Variants in CSMD3 observed in about 807,000 individuals in gnomAD.
CSMD3 encodes CUB and sushi domain-containing protein 3.
In CSMD3, 177 loss-of-function variants were observed where a neutral mutation model predicts 435.2. That is an observed-to-expected ratio of 0.41 (90% confidence interval 0.36 to 0.46). The LOEUF is 0.46. Among genes scored for constraint, CSMD3 ranks in the 20% least tolerant of loss-of-function variants. The probability of loss-of-function intolerance (pLI) is 0.34; values close to 1 mark genes in which losing one functional copy is unlikely to be tolerated. For synonymous variants in CSMD3, 1,656 were observed against 1,520.5 expected (o/e 1.09, Z -2.07); for missense variants, 4,265 against 4,504.6 (o/e 0.95, Z 1.52).
Position 112,885,337 on chromosome 8 carries a change from G to A in CSMD3, c.1634-26071C>T, listed in dbSNP as rs148741298. Among the ~76,000 whole-genome samples the A allele has an allele frequency of 2.4e-3, 351 of 145,930 alleles. 1 individual carries two copies. The highest frequency in any genetic ancestry group is 8.6e-3 in the African/African-American group (335 of 39,138). On this transcript the variant is annotated intron_variant, in intron 10 of 70. Transcript: ENST00000297405. The stretch of plus-strand genomic sequence containing the variant: ...ATTGAGCTGCAATAGTCATAGAGTT[G>A]GCTAAATATATGTACACAAATAGCC...
chr8:112,811,626 T>C (rs1162126627), intron 12 of CSMD3, among the ~76,000 whole-genome samples: 1 of 152,192 alleles, frequency 6.6e-6, no homozygotes, highest in African/African-American at 2.4e-5. Context: ...GTGTAATGGA[T>C]TATATCTGTC....
chr8:112,931,613 C>A (rs2130709982), intron 9 of CSMD3, among the ~76,000 whole-genome samples: 1 of 151,518 alleles, frequency 6.6e-6, no homozygotes, highest in African/African-American at 2.4e-5. Context: ...TACAGTAAAC[C>A]AGAAAGCTTT....
In CSMD3 at chr8:112,291,549, G is replaced by A. The variant is rs745369729; in HGVS notation, c.8935C>T (p.Pro2979Ser). 7 of 1,611,104 alleles carry A rather than the reference G, an allele frequency of 4.3e-6. No homozygotes were observed. Among genetic ancestry groups the A allele is most frequent in the Admixed American group, 3.3e-5 (2 of 59,752 alleles). ...LFGSSVLICQ[P>S]NGQWDKPLPE... ...AAAGGTTTGTCCCATTGTCCATTTGGTTGACATATCAAAACTGAAGATCCA... is the reference window on the plus strand; with the variant it reads ...AAAGGTTTGTCCCATTGTCCATTTGATTGACATATCAAAACTGAAGATCCA... The change falls in exon 56 of 71, where the codon CCA becomes TCA. Residue 2979 changes from proline to serine, a missense_variant. Coordinates refer to ENST00000297405, the MANE Select transcript of CSMD3 (RefSeq NM_198123.2).
intron 12 of CSMD3, among the ~76,000 whole-genome samples, chr8:112,801,050 A>G (rs13275398): frequency 0.21 from 31,571 of 151,944 alleles, 4,053 homozygotes; most frequent in Non-Finnish European, 0.3. Context: ...AATAGGAAAG[A>G]GGAAAAAATG....
chr8:113,335,310 T>C (rs2094063806), intron 1 of CSMD3, among the ~76,000 whole-genome samples: 1 of 152,100 alleles, frequency 6.6e-6, no homozygotes, highest in African/African-American at 2.4e-5. Flanking sequence ...CGGGTATTTC[T>C]TTATAGCAGT....
chr8:112,430,159 AC>A lies in CSMD3; in HGVS notation c.5396-21128del, dbSNP rs1484601439. Among the ~76,000 whole-genome samples, 4 of 152,208 alleles carry A rather than the reference AC, an allele frequency of 2.6e-5. No individual in the cohort carries two copies. In the South Asian group the frequency reaches 6.2e-4, roughly 24 times the overall value. ...GAGGAACATCAGGTAGGAAGCGTCT[AC>A]AACCAGTTTTCTAACTCCGCTTCCA... is the stretch of plus-strand genomic sequence containing the variant. On this transcript the variant is annotated intron_variant, in intron 32 of 70. Transcript: ENST00000297405.
chr8:113,346,472 T>TAA (rs2094151934), intron 1 of CSMD3, among the ~76,000 whole-genome samples: 1 of 152,166 alleles, frequency 6.6e-6, no homozygotes, highest in African/African-American at 2.4e-5. Flanking sequence ...AAGGTATGCT[T>TAA]TTCTGACTGT....
At chr8:113,003,217 C>T (rs559988719) in intron 6 of CSMD3, among the ~76,000 whole-genome samples, 1 of 152,012 alleles carries the variant, frequency 6.6e-6, no homozygotes, top group African/African-American at 2.4e-5. Flanking sequence ...TGCACTTCAG[C>T]CTGGGCAACC....
At chr8:112,532,998 T>A (rs984977201) in intron 27 of CSMD3, among the ~76,000 whole-genome samples, 16 of 152,128 alleles carry the variant, frequency 1.1e-4, no homozygotes, top group African/African-American at 3.9e-4. Context: ...TATTTCTTTG[T>A]TTGTTTCTGT....
chr8:112,430,140 C>T (rs953376868), intron 32 of CSMD3, among the ~76,000 whole-genome samples: 1 of 152,134 alleles, frequency 6.6e-6, no homozygotes, highest in African/African-American at 2.4e-5. Flanking sequence ...GTACGAGGAA[C>T]ATCAGGTAGG....
At chr8:112,596,624 C>T (rs1024042485) in intron 22 of CSMD3, among the ~76,000 whole-genome samples, 1 of 151,902 alleles carries the variant, frequency 6.6e-6, no homozygotes, top group South Asian at 2.1e-4. Flanking sequence ...AAGTAAAGCT[C>T]TCCTCAGCAA....
At chr8:113,077,726 T>G (rs1365579759) in intron 5 of CSMD3, among the ~76,000 whole-genome samples, 1 of 151,810 alleles carries the variant, frequency 6.6e-6, no homozygotes, top group East Asian at 1.9e-4. Context: ...AAAACAAAAC[T>G]CTAAGATACA....
intron 59 of CSMD3, among the ~76,000 whole-genome samples, chr8:112,280,502 G>T (rs1388575285): frequency 2.3e-5 from 2 of 88,094 alleles, no homozygotes; most frequent in African/African-American, 9.0e-5. Flanking sequence ...AAACTCCTGG[G>T]CTCAAGCGAT....
chr8:112,300,291 T>A (rs2130746586), intron 53 of CSMD3, among the ~76,000 whole-genome samples: 1 of 148,064 alleles, frequency 6.8e-6, no homozygotes, highest in African/African-American at 2.4e-5. Context: ...TCTATATAAT[T>A]ATATATAAAT....
chr8:112,565,878 C>T (rs1047045849), intron 24 of CSMD3, among the ~76,000 whole-genome samples: 1 of 151,754 alleles, frequency 6.6e-6, no homozygotes, highest in Non-Finnish European at 1.5e-5. Context: ...TAATCTTCAA[C>T]AAATAGAGTT....
In CSMD3 at chr8:112,310,987, C is replaced by A. The variant is rs540447418; in HGVS notation, c.7876G>T (p.Ala2626Ser). The A allele has an allele frequency of 1.2e-6, 2 of 1,613,788 alleles. No individual in the cohort carries two copies. The highest frequency in any genetic ancestry group is 4.5e-5 in the East Asian group (2 of 44,866). The change falls in exon 50 of 71, where the codon GCC becomes TCC. Residue 2626 changes from alanine (A) to serine (S), a missense_variant. By Grantham distance (99) the Ala-to-Ser change is moderately conservative. Transcript: ENST00000297405. ...GCATAATATACTTCACCTTGACAGG[C>A]AGGGACTGGCGCATCCCATGCATGA... is the stretch of plus-strand genomic sequence containing the variant. The part of the protein sequence containing the change: ...GYHAWDAPVP[A>S]CQAISCGIPK...
chr8:112,965,938 T>G (rs1000455930), intron 7 of CSMD3, among the ~76,000 whole-genome samples: 20 of 151,860 alleles, frequency 1.3e-4, no homozygotes, highest in Admixed American at 3.9e-4. Context: ...AATGATAAAT[T>G]GGTACATTTC....
At chr8:112,840,656 A>G (rs2132528969) in intron 11 of CSMD3, among the ~76,000 whole-genome samples, 1 of 151,832 alleles carries the variant, frequency 6.6e-6, no homozygotes, top group South Asian at 2.1e-4. Flanking sequence ...TTTCACTGCA[A>G]CCTTGTATAA....
intron 32 of CSMD3, among the ~76,000 whole-genome samples, chr8:112,437,929 A>G (rs1814556597): frequency 6.6e-6 from 1 of 151,984 alleles, no homozygotes; most frequent in Non-Finnish European, 1.5e-5. Context: ...TCCATTCTAT[A>G]TTACCTAGCA....
Sources: allele counts gnomAD v4.1 joint callset (sites outside exome capture counted in the v4.1 genomes callset), GRCh38; gene constraint gnomAD v4.1.1; transcripts MANE v1.5; gene names NCBI Gene and HGNC (gene_info 2026-07-23, HGNC 2026-07-21).